The following EPHA4 variants were observed in gnomAD, a reference collection of about 807,000 sequenced individuals.
EPHA4 encodes the protein EPH receptor A4.
EPHA4 carries 19 observed loss-of-function variants against 108.3 expected under a neutral mutation model. The observed-to-expected ratio is 0.18, with a 90% CI of 0.12 to 0.26. The LOEUF (loss-of-function observed/expected upper bound fraction) is 0.26. EPHA4 is among the 10% of genes least tolerant of loss of function. The pLI is 1.00. For missense variants in EPHA4, 917 were observed against 1,254.0 expected (o/e 0.73, Z 4.06); for synonymous variants, 449 against 455.5 (o/e 0.99, Z 0.18).
intron 11 of EPHA4, among the ~76,000 whole-genome samples, chr2:221,439,642 C>T (rs551941019): frequency 3.3e-5 from 5 of 152,006 alleles, no homozygotes; most frequent in East Asian, 2.0e-4. Flanking sequence ...CACTAGCCAC[C>T]GAGCCCAGCT....
At position 221,457,910 on chromosome 2, in the gene EPHA4, G is replaced by C; in HGVS notation, c.1399C>G (p.Pro467Ala). The C allele has an allele frequency of 6.2e-7, 1 of 1,613,794 alleles. No individual in the cohort carries two copies. The highest frequency in any genetic ancestry group is 8.5e-7 in the Non-Finnish European group (1 of 1,179,788). The change falls in exon 6 of 18, where the codon CCC (proline) becomes GCC (alanine). Residue 467 changes from proline to alanine, a missense_variant. Physicochemically the swap from Pro to Ala is conservative, Grantham distance 27 (BLOSUM62 -1). Coordinates refer to ENST00000281821, the MANE Select transcript of EPHA4 (RefSeq NM_004438.5). Reference protein sequence around the residue: ...VALAWLEPDRPNGVILEYEVK... With the variant: ...VALAWLEPDRANGVILEYEVK... The stretch of plus-strand genomic sequence containing the variant: ...TCATATTCCAGGATTACCCCATTGG[G>C]CCGATCTGGTTCCAGCCAAGCCAGT...
intron 3 of EPHA4, among the ~76,000 whole-genome samples, chr2:221,518,621 A>T (rs1693060528): frequency 1.3e-5 from 2 of 151,520 alleles, no homozygotes. Flanking sequence ...AACTCAGACC[A>T]CTCCTTGCTG....
At chr2:221,499,977 G>A (rs942928555) in intron 4 of EPHA4, among the ~76,000 whole-genome samples, 3 of 151,118 alleles carry the variant, frequency 2.0e-5, no homozygotes, top group South Asian at 2.1e-4. Context: ...GGCTAGTCTC[G>A]AACTCCTGAC....
intron 3 of EPHA4, among the ~76,000 whole-genome samples, chr2:221,532,123 ATTC>A (rs1443539586): frequency 8.9e-6 from 1 of 111,784 alleles, no homozygotes; most frequent in African/African-American, 4.5e-5. Flanking sequence ...ATTTCAATTT[ATTC>A]TTTTTTTTTT....
chr2:221,564,584 TTTG>T (rs1054247987), intron 2 of EPHA4, among the ~76,000 whole-genome samples, 190 bp from the exon 3 acceptor site: 5 of 152,002 alleles, frequency 3.3e-5, no homozygotes, highest in Admixed American at 6.6e-5. Context: ...AAGTTTTTTT[TTTG>T]TTTGTTTAAT....
chr2:221,430,795 A>T (rs891232057), intron 14 of EPHA4, among the ~76,000 whole-genome samples: 1 of 152,152 alleles, frequency 6.6e-6, no homozygotes, highest in Non-Finnish European at 1.5e-5. Flanking sequence ...GATTTTTTTT[A>T]AAAAAGTAAA....
At chr2:221,543,715 A>G (rs967730706) in intron 3 of EPHA4, among the ~76,000 whole-genome samples, 6 of 152,192 alleles carry the variant, frequency 3.9e-5, no homozygotes, top group African/African-American at 1.4e-4. Context: ...AAACACATAG[A>G]TGATTGATAG....
intron 5 of EPHA4, among the ~76,000 whole-genome samples, chr2:221,478,239 G>A (rs143592469): frequency 3.9e-5 from 6 of 152,120 alleles, no homozygotes; most frequent in African/African-American, 1.2e-4. Flanking sequence ...AATATTCACA[G>A]GTCTGTTGCT....
At chr2:221,517,868 G>A (rs1693036444) in intron 3 of EPHA4, among the ~76,000 whole-genome samples, 1 of 152,308 alleles carries the variant, frequency 6.6e-6, no homozygotes, top group East Asian at 1.9e-4. Context: ...GCCACACCTT[G>A]ATAGCAGCTG....
intron 4 of EPHA4, among the ~76,000 whole-genome samples, chr2:221,489,142 C>T (rs532492656): frequency 5.3e-5 from 8 of 152,254 alleles, no homozygotes; most frequent in African/African-American, 1.9e-4. Context: ...TCCAGGTACC[C>T]TATGTACTCT....
Position 221,458,020 on chromosome 2 carries a change from A to C in EPHA4, c.1319-30T>G, listed in dbSNP as rs568771868. The stretch of plus-strand genomic sequence containing the variant: ...TAGAAAAAAACAAAAGACAAAAGAT[A>C]TTTTCTTTAGGAAAATAAATGGTTT... On this transcript the variant is annotated intron_variant, in intron 5 of 17. Coordinates refer to ENST00000281821, the MANE Select transcript of EPHA4 (RefSeq NM_004438.5). The C allele has an allele frequency of 2.8e-5, 45 of 1,592,940 alleles. No homozygotes were observed. The African/African-American group carries it at 5.5e-4, about 20-fold the overall frequency.
At chr2:221,554,207 A>G (rs1287629679) in intron 3 of EPHA4, among the ~76,000 whole-genome samples, 1 of 152,236 alleles carries the variant, frequency 6.6e-6, no homozygotes, top group African/African-American at 2.4e-5. Context: ...AATCCATCCC[A>G]AATGGACTTT....
At chr2:221,434,079 C>T in intron 14 of EPHA4, 63 bp downstream of exon 14, 3 of 1,544,690 alleles carry the variant, frequency 1.9e-6, no homozygotes, top group Non-Finnish European at 1.8e-6. Context: ...CTCCATCATA[C>T]AGTAATGCAG....
chr2:221,460,923 C>G (rs1220497061), intron 5 of EPHA4, among the ~76,000 whole-genome samples: 1 of 152,158 alleles, frequency 6.6e-6, no homozygotes, highest in African/African-American at 2.4e-5. Flanking sequence ...TTAATAAATG[C>G]AGTATCTTTA....
chr2:221,534,934 C>T (rs1693621739), intron 3 of EPHA4, among the ~76,000 whole-genome samples: 1 of 152,234 alleles, frequency 6.6e-6, no homozygotes, highest in African/African-American at 2.4e-5. Flanking sequence ...CCAATCTAAG[C>T]ATATGTGCTA....
At position 221,443,509 on chromosome 2, in the gene EPHA4, T is replaced by C; in HGVS notation, c.1872A>G (p.Glu624=). The C allele has an allele frequency of 6.2e-7, 1 of 1,613,812 alleles. No homozygotes were observed. Among genetic ancestry groups the C allele is most frequent in the Non-Finnish European group, 8.5e-7 (1 of 1,179,842 alleles). ...KEIDASCIKI[E]KVIGVGEFGE... is the part of the protein sequence containing the mutation. ...GACACTTACCAACTCCTATAACTTT[T>C]TCAATCTTAATGCAGGATGCGTCAA... The change falls in exon 10 of 18, where the codon GAA becomes GAG. Residue 624 remains glutamate, a synonymous_variant. Transcript: ENST00000281821.
At chr2:221,452,521 T>C (rs753889863) in intron 8 of EPHA4, among the ~76,000 whole-genome samples, 1 of 152,232 alleles carries the variant, frequency 6.6e-6, no homozygotes, top group Non-Finnish European at 1.5e-5. Flanking sequence ...AGGAGAAGAA[T>C]TGGCTGAGTG....
At chr2:221,512,082 C>A (rs1483351318) in intron 3 of EPHA4, among the ~76,000 whole-genome samples, 2 of 151,884 alleles carry the variant, frequency 1.3e-5, no homozygotes, top group East Asian at 1.9e-4. Context: ...TAAATTAATT[C>A]TATTGGAGAT....
chr2:221,545,377 G>A (rs1032410468), intron 3 of EPHA4, among the ~76,000 whole-genome samples: 1 of 152,100 alleles, frequency 6.6e-6, no homozygotes, highest in African/African-American at 2.4e-5. Context: ...GCTGAGGCAG[G>A]AGAATGGTGT....
Sources: allele counts gnomAD v4.1 joint callset (sites outside exome capture counted in the v4.1 genomes callset), GRCh38; gene constraint gnomAD v4.1.1; transcripts MANE v1.5; gene names NCBI Gene and HGNC (gene_info 2026-07-23, HGNC 2026-07-21).